IL19: variants seen among roughly 807,000 people sequenced by gnomAD.
The protein encoded by IL19 is interleukin-19.
Under a neutral mutation model 19.5 loss-of-function variants are expected in IL19, and 15 were observed. That is an observed-to-expected ratio of 0.77 (90% confidence interval 0.52 to 1.19). IL19 has a LOEUF of 1.19. Ranked by LOEUF, IL19 falls within the 50% of genes most tolerant of loss-of-function variation. The pLI, the probability that IL19 is intolerant of heterozygous loss-of-function variation, is 0.00. For synonymous variants in IL19, 78 were observed against 78.3 expected (o/e 1.00, Z 0.02); for missense variants, 199 against 213.1 (o/e 0.93, Z 0.41).
intron 2 of IL19, among the ~76,000 whole-genome samples, chr1:206,827,705 C>T (rs374777942): frequency 4.7e-4 from 14 of 29,952 alleles, no homozygotes; most frequent in African/African-American, 1.4e-3. Flanking sequence ...CAAAACAAAA[C>T]AAAACAAAAA....
intron 5 of IL19, chr1:206,840,618 CAAAT>C (rs950592917): frequency 4.8e-6 from 1 of 209,040 alleles, no homozygotes; most frequent in Non-Finnish European, 9.8e-6. Flanking sequence ...ATAATGGACT[CAAAT>C]AAATTCACCT....
chr1:206,788,447 G>C (rs1675315946), intron 1 of IL19, among the ~76,000 whole-genome samples: 1 of 152,076 alleles, frequency 6.6e-6, no homozygotes, highest in Non-Finnish European at 1.5e-5. Context: ...GCAAAATAAG[G>C]CTCAAGTCTC....
At chr1:206,810,015 C>G (rs1485859434) in intron 2 of IL19, among the ~76,000 whole-genome samples, 1 of 152,200 alleles carries the variant, frequency 6.6e-6, no homozygotes, top group Non-Finnish European at 1.5e-5. Context: ...CTCTTTATTG[C>G]CACTTGCCTC....
At chr1:206,773,251 G>A (rs1471086506) in intron 1 of IL19, among the ~76,000 whole-genome samples, 6 of 152,074 alleles carry the variant, frequency 3.9e-5, no homozygotes, top group Admixed American at 6.6e-5. Flanking sequence ...GACCCCTACC[G>A]TCTCTATTTT....
intron 2 of IL19, among the ~76,000 whole-genome samples, chr1:206,821,845 C>T (rs1209131543): frequency 2.0e-5 from 3 of 152,204 alleles, no homozygotes; most frequent in Non-Finnish European, 4.4e-5. Flanking sequence ...GAAGGAAAGC[C>T]GCCCACTGAA....
In IL19 at chr1:206,818,505, G is replaced by A. The variant is rs1036982115; in HGVS notation, c.-2-18156G>A. On this transcript the variant is annotated intron_variant, in intron 2 of 6. Transcript: ENST00000659997. ...AAAACCCAAATTAGTCTATACTTTC[G>A]GAAAGCAGATTAGTGCTTGCCTGAG... Among the ~76,000 whole-genome samples the A allele has an allele frequency of 3.9e-5, 6 of 152,124 alleles. No homozygotes were observed. In the East Asian group the frequency reaches 9.6e-4, roughly 24 times the overall value.
Position 206,836,793 on chromosome 1 carries a change from T to A in IL19, c.131T>A (p.Ile44Asn). ...MHHIEESFQE[I>N]KRAIQAKDTF... is the part of the protein sequence containing the mutation. Reference sequence around the variant, plus strand: ...CATATAGAAGAGAGTTTCCAAGAAATCAAAAGAGCCATCGTGAGTATGGGT... The same window carrying A: ...CATATAGAAGAGAGTTTCCAAGAAAACAAAAGAGCCATCGTGAGTATGGGT... Residue 44 changes from isoleucine (I) to asparagine (N), a missense_variant, in exon 3 of 7, where the codon ATC (isoleucine) becomes AAC (asparagine). Physicochemically the swap from Ile to Asn is moderately radical, Grantham distance 149 (BLOSUM62 -3). Coordinates refer to ENST00000659997, the MANE Select transcript of IL19 (RefSeq NM_153758.5). 6.2e-7 allele frequency: 1 copy of A among 1,614,028 alleles called. No homozygotes were observed. Among genetic ancestry groups the A allele is most frequent in the Non-Finnish European group, 8.5e-7 (1 of 1,180,000 alleles).
chr1:206,811,801 T>C (rs1191388028), intron 2 of IL19, among the ~76,000 whole-genome samples: 1 of 152,188 alleles, frequency 6.6e-6, no homozygotes, highest in African/African-American at 2.4e-5. Context: ...CAGGGGCAGA[T>C]TGATTACAGT....
intron 1 of IL19, among the ~76,000 whole-genome samples, chr1:206,776,845 C>T (rs1051053392): frequency 1.3e-5 from 2 of 149,294 alleles, no homozygotes; most frequent in Non-Finnish European, 3.0e-5. Context: ...GCAATGGCTA[C>T]CCTCTTTGGG....
At chr1:206,810,484 G>A (rs533092416) in intron 2 of IL19, among the ~76,000 whole-genome samples, 10 of 152,296 alleles carry the variant, frequency 6.6e-5, no homozygotes, top group Middle Eastern at 6.8e-3. Flanking sequence ...AATGCCTAGA[G>A]GACAATCCTT....
rs1677062057 is a variant in IL19, at chr1:206,842,763, A to G, written c.*141A>G. Reference sequence around the variant, plus strand: ...CCACTGGCTGGCCTCAGGCTGTCTTATTCCGCTTGAAAATAGCCAAAAAGT... The same window carrying G: ...CCACTGGCTGGCCTCAGGCTGTCTTGTTCCGCTTGAAAATAGCCAAAAAGT... On this transcript the variant is annotated 3_prime_UTR_variant, in exon 7 of 7. Transcript: ENST00000659997. The G allele has an allele frequency of 7.0e-6, 4 of 570,412 alleles. 1 individual carries two copies. The highest frequency in any genetic ancestry group is 3.5e-4 in the Middle Eastern group (1 of 2,884). The allele number at this position is 570,412 out of a possible 1,614,324, so 35.3% of individuals were successfully genotyped here.
At chr1:206,834,375 A>G in intron 2 of IL19, 1 of 985,672 alleles carries the variant, frequency 1.0e-6, no homozygotes, top group Non-Finnish European at 1.2e-6. Flanking sequence ...AGACACAAGG[A>G]GCAGCCCGCA....
rs144559291 is a variant in IL19, at chr1:206,801,148, G to GA, written c.-3+2145dup. ...TTGCAATTGAATTTAAGAAATCAAA[G>GA]AAAGTTGTCCATTCGTAGTTTAAAA... On this transcript the variant is annotated intron_variant, in intron 2 of 6. Transcript: ENST00000659997. Among the ~76,000 whole-genome samples, 1,362 of 146,788 alleles carry GA rather than the reference G, an allele frequency of 9.3e-3. 19 individuals are homozygous for GA. Among genetic ancestry groups the GA allele is most frequent in the African/African-American group, 0.033 (1,308 of 39,948 alleles).
intron 4 of IL19, 86 bp downstream of exon 4, chr1:206,837,109 C>G (rs973074134): frequency 2.9e-6 from 3 of 1,050,438 alleles, no homozygotes; most frequent in Non-Finnish European, 4.3e-6. Flanking sequence ...TACCTTGTCC[C>G]CTTCTCTTTC....
chr1:206,783,545 C>A (rs901873054), intron 1 of IL19, among the ~76,000 whole-genome samples: 1 of 152,168 alleles, frequency 6.6e-6, no homozygotes, highest in African/African-American at 2.4e-5. Flanking sequence ...ACTGGTTTCA[C>A]GAAAGCGGCT....
chr1:206,813,671 T>C (rs1676073730), intron 2 of IL19, among the ~76,000 whole-genome samples: 1 of 152,252 alleles, frequency 6.6e-6, no homozygotes. Flanking sequence ...CTTTATGATA[T>C]TTTAGAGTTC....
At chr1:206,840,275 G>T in intron 5 of IL19, 1 of 597,976 alleles carries the variant, frequency 1.7e-6, no homozygotes, top group Non-Finnish European at 3.1e-6. Flanking sequence ...AAGAGGCATG[G>T]CAAGGACTCC....
intron 2 of IL19, among the ~76,000 whole-genome samples, chr1:206,819,073 AG>A (rs1676231476): frequency 6.6e-6 from 1 of 151,426 alleles, no homozygotes; most frequent in South Asian, 2.1e-4. Context: ...GGCCTCCCAA[AG>A]TGCTGGGATT....
intron 5 of IL19, chr1:206,840,764 G>A (rs1209789686): frequency 3.9e-6 from 2 of 517,174 alleles, no homozygotes; most frequent in African/African-American, 3.8e-5. Flanking sequence ...TATGGTGCCT[G>A]CTTTCCTAGT....
Sources: gnomAD v4.1 joint callset for allele counts (sites outside exome capture counted in the v4.1 genomes callset) on GRCh38, gnomAD v4.1.1 for gene constraint, MANE v1.5 for transcripts, NCBI Gene and HGNC (gene_info 2026-07-23, HGNC 2026-07-21) for gene names.